The following PPP1CB variants were observed in gnomAD, a reference collection of about 807,000 sequenced individuals.
PPP1CB encodes protein phosphatase 1 catalytic subunit beta, also known as serine/threonine-protein phosphatase PP1-beta catalytic subunit.
Under a neutral mutation model 43.7 loss-of-function variants are expected in PPP1CB, and 2 were observed. The observed-to-expected ratio is 0.05, with a 90% CI of 0.02 to 0.14. The LOEUF is 0.14. Ranked by LOEUF, PPP1CB falls within the 10% of genes least tolerant of loss-of-function variation. PPP1CB has a pLI of 1.00. For missense variants in PPP1CB, 84 were observed against 398.0 expected, an observed-to-expected ratio of 0.21 and a Z score of 6.71; for synonymous variants, 136 against 135.6, an observed-to-expected ratio of 1.00 and a Z score of -0.02.
chr2:28,756,217 G>A (rs933313155), intron 1 of PPP1CB, among the ~76,000 whole-genome samples: 8 of 152,252 alleles, frequency 5.3e-5, no homozygotes, highest in Admixed American at 4.6e-4. Flanking sequence ...ATATTACCAC[G>A]AAGCTGAACT....
At chr2:28,778,166 T>G (rs1040594262) in intron 2 of PPP1CB, among the ~76,000 whole-genome samples, 2 of 152,226 alleles carry the variant, frequency 1.3e-5, no homozygotes, top group Non-Finnish European at 2.9e-5. Context: ...GTAATGGAAG[T>G]TATTTGTACT....
chr2:28,763,914 C>T (rs1478230967), intron 1 of PPP1CB, among the ~76,000 whole-genome samples: 3 of 134,520 alleles, frequency 2.2e-5, no homozygotes, highest in African/African-American at 5.0e-5. Context: ...GCATGTTGGT[C>T]AGGCTGGTCT....
intron 7 of PPP1CB, among the ~76,000 whole-genome samples, chr2:28,794,303 T>C (rs1477737724): frequency 6.6e-6 from 1 of 152,240 alleles, no homozygotes; most frequent in Non-Finnish European, 1.5e-5. Flanking sequence ...AATGTGAATG[T>C]AATGAATAGT....
intron 1 of PPP1CB, among the ~76,000 whole-genome samples, chr2:28,756,480 TTTAG>T (rs1446841297): frequency 6.6e-6 from 1 of 152,192 alleles, no homozygotes; most frequent in African/African-American, 2.4e-5. Context: ...ACTCTTAAGA[TTTAG>T]TTAGGCTGAC....
chr2:28,779,326 T>C (rs1315523265), intron 3 of PPP1CB, among the ~76,000 whole-genome samples: 1 of 152,240 alleles, frequency 6.6e-6, no homozygotes, highest in Admixed American at 6.5e-5. Flanking sequence ...CTGTAGGCAG[T>C]GGCCCTTGGT....
At chr2:28,756,159 A>C (rs944259144) in intron 1 of PPP1CB, among the ~76,000 whole-genome samples, 2 of 152,370 alleles carry the variant, frequency 1.3e-5, no homozygotes, top group Non-Finnish European at 2.9e-5. Context: ...AATACCGAAA[A>C]GCGATTTGCT....
rs114603581 is a variant in PPP1CB at position 28,755,041 on chromosome 2, A to G, written c.52+2865A>G. 3.8e-3 allele frequency among the ~76,000 whole-genome samples: 581 copies of G among 151,902 alleles called. 3 individuals are homozygous for G. Among genetic ancestry groups the G allele is most frequent in the African/African-American group, 0.013 (549 of 41,430 alleles). On this transcript the variant is annotated intron_variant, in intron 1 of 7. Coordinates refer to ENST00000395366, the MANE Select transcript of PPP1CB (RefSeq NM_002709.3). ...TTTTTAGGTGGGCGTATTATTGATA[A>G]GTTTTTTTTGTTTTTTGTTTTTTTG...
At chr2:28,791,954 G>C (rs1667396681) in intron 6 of PPP1CB, among the ~76,000 whole-genome samples, 1 of 152,118 alleles carries the variant, frequency 6.6e-6, no homozygotes, top group African/African-American at 2.4e-5. Context: ...GAATGAACAA[G>C]TAAGCAAACT....
chr2:28,779,102 T>G, intron 3 of PPP1CB, 63 bp downstream of exon 3: 1 of 1,264,288 alleles, frequency 7.9e-7, no homozygotes, highest in Non-Finnish European at 1.1e-6. Context: ...ATTTTCTGGT[T>G]CAGAAGAGTT....
intron 7 of PPP1CB, among the ~76,000 whole-genome samples, chr2:28,798,772 A>T (rs1478555513): frequency 6.6e-6 from 1 of 152,056 alleles, no homozygotes; most frequent in East Asian, 1.9e-4. Context: ...TTATATCAAT[A>T]AAGCTGTTTT....
chr2:28,759,427 G>T (rs1358157178), intron 1 of PPP1CB, among the ~76,000 whole-genome samples: 1 of 150,672 alleles, frequency 6.6e-6, no homozygotes, highest in Non-Finnish European at 1.5e-5. Context: ...GGCTGAGGCA[G>T]GAGAATCACT....
At chr2:28,779,512 A>G (rs781782536) in intron 3 of PPP1CB, among the ~76,000 whole-genome samples, 1 of 152,086 alleles carries the variant, frequency 6.6e-6, no homozygotes, top group Non-Finnish European at 1.5e-5. Context: ...GATACTGAAT[A>G]CTCTGGGGTA....
At chr2:28,778,655 A>G (rs573681445) in intron 2 of PPP1CB, 154 bp from the exon 3 acceptor site, 22 of 597,168 alleles carry the variant, frequency 3.7e-5, no homozygotes, top group Non-Finnish European at 6.3e-5. Context: ...GTGACAGCCC[A>G]TCTCACTTTC....
At chr2:28,793,753 G>T in intron 6 of PPP1CB, 110 bp from the exon 7 acceptor site, 1 of 1,187,854 alleles carries the variant, frequency 8.4e-7, no homozygotes, top group Non-Finnish European at 1.2e-6. Context: ...AAACAGGGTG[G>T]TTTGGGGGTG....
chr2:28,753,690 C>T (rs922910675), intron 1 of PPP1CB, among the ~76,000 whole-genome samples: 2 of 151,692 alleles, frequency 1.3e-5, no homozygotes, highest in Admixed American at 6.6e-5. Context: ...ATGTGTATGT[C>T]TTGTTTACAT....
intron 1 of PPP1CB, among the ~76,000 whole-genome samples, chr2:28,755,490 A>G (rs949869266): frequency 2.0e-5 from 3 of 152,200 alleles, no homozygotes; most frequent in African/African-American, 7.2e-5. Context: ...CTAAAAACCA[A>G]AGACTTCTAC....
chr2:28,786,569 AT>A (rs1265419768), intron 5 of PPP1CB, among the ~76,000 whole-genome samples: 1 of 151,964 alleles, frequency 6.6e-6, no homozygotes. Context: ...GAAATTATAG[AT>A]TCTTGAGATC....
chr2:28,763,760 A>G (rs1470093248), intron 1 of PPP1CB, among the ~76,000 whole-genome samples: 2 of 152,192 alleles, frequency 1.3e-5, no homozygotes. Context: ...GCTGGAGTGC[A>G]GTGGCACCAT....
intron 4 of PPP1CB, 168 bp downstream of exon 4, chr2:28,782,010 T>A: frequency 1.5e-6 from 1 of 654,504 alleles, no homozygotes; most frequent in Non-Finnish European, 2.7e-6. Flanking sequence ...AGAAATTTAT[T>A]TATAAATGAA....
Sources: allele counts gnomAD v4.1 joint callset (sites outside exome capture counted in the v4.1 genomes callset), GRCh38; gene constraint gnomAD v4.1.1; transcripts MANE v1.5; gene names NCBI Gene and HGNC (gene_info 2026-07-23, HGNC 2026-07-21).